UGGT1: variants seen among roughly 807,000 people sequenced by gnomAD.
UGGT1 encodes UDP-glucose:glycoprotein glucosyltransferase 1.
In UGGT1, 107 loss-of-function variants were observed where a neutral mutation model predicts 203.9. That is an observed-to-expected ratio of 0.52 (90% CI 0.45 to 0.62). The LOEUF (loss-of-function observed/expected upper bound fraction) is 0.62. UGGT1 is among the 20% of genes least tolerant of loss of function. UGGT1 has a pLI of 0.00. For synonymous variants in UGGT1, 628 were observed against 653.5 expected, an observed-to-expected ratio of 0.96 and a Z score of 0.59; for missense variants, 1,673 against 1,867.2, an observed-to-expected ratio of 0.90 and a Z score of 1.92.
intron 36 of UGGT1, among the ~76,000 whole-genome samples, chr2:128,181,482 C>T (rs1425783037): frequency 2.0e-5 from 3 of 152,212 alleles, no homozygotes; most frequent in Admixed American, 6.5e-5. Flanking sequence ...GATATTCTTC[C>T]GGCCGTCAGG....
chr2:128,108,895 A>G (rs1330407176), intron 4 of UGGT1, among the ~76,000 whole-genome samples: 1 of 152,098 alleles, frequency 6.6e-6, no homozygotes, highest in Non-Finnish European at 1.5e-5. Flanking sequence ...TTCACACAAT[A>G]AAGTGATTTT....
intron 24 of UGGT1, 76 bp from the exon 25 acceptor site, chr2:128,161,062 C>T: frequency 6.4e-7 from 1 of 1,569,866 alleles, no homozygotes; most frequent in Non-Finnish European, 8.6e-7. Flanking sequence ...CCTGAGGACG[C>T]CAGAGGGTTC....
rs534493930 is a variant in UGGT1 at position 128,192,078 on chromosome 2, C to T, written c.*2336C>T. The T allele has an allele frequency of 6.6e-6, 1 of 152,292 alleles. No individual in the cohort carries two copies. Among genetic ancestry groups the T allele is most frequent in the Admixed American group, 6.5e-5 (1 of 15,282 alleles). 9.4% of individuals were successfully genotyped at this position (152,292 alleles called of 1,614,324 possible). A position where few individuals can be genotyped will look rare whatever the true frequency, so the allele number is the denominator to read the frequency against. On this transcript the variant is annotated 3_prime_UTR_variant, in exon 41 of 41. Coordinates refer to ENST00000259253, the MANE Select transcript of UGGT1 (RefSeq NM_020120.4). The stretch of plus-strand genomic sequence containing the variant: ...CTTTCCCCATGTCTTTCTACCAAGC[C>T]TCTTATGTTTAATCTGTGCAGGGAA...
At chr2:128,124,337 G>C (rs569099690) in intron 11 of UGGT1, among the ~76,000 whole-genome samples, 1 of 152,168 alleles carries the variant, frequency 6.6e-6, no homozygotes, top group Non-Finnish European at 1.5e-5. Flanking sequence ...TTTGAAACAA[G>C]GCATCGCCTC....
chr2:128,108,449 G>T (rs1687702975), intron 4 of UGGT1, among the ~76,000 whole-genome samples: 1 of 152,028 alleles, frequency 6.6e-6, no homozygotes, highest in African/African-American at 2.4e-5. Context: ...GGAAAATCTA[G>T]AATTCAGGAA....
At chr2:128,178,011 TG>T in intron 33 of UGGT1, 91 bp downstream of exon 33, 1 of 1,131,282 alleles carries the variant, frequency 8.8e-7, no homozygotes, top group Non-Finnish European at 1.3e-6. Context: ...TGATTCTGTC[TG>T]GGCCTTTCAC....
chr2:128,140,009 G>T, intron 16 of UGGT1: 1 of 153,766 alleles, frequency 6.5e-6, no homozygotes, highest in South Asian at 1.9e-4. Flanking sequence ...CCTGGCAGCA[G>T]AGAATGCTGT....
At chr2:128,105,417 G>A (rs1038318046) in intron 3 of UGGT1, among the ~76,000 whole-genome samples, 7 of 151,580 alleles carry the variant, frequency 4.6e-5, no homozygotes, top group African/African-American at 1.5e-4. Flanking sequence ...GGGCTCAAGC[G>A]ATCCTCCTGC....
At chr2:128,129,801 G>T (rs1033684360) in intron 13 of UGGT1, among the ~76,000 whole-genome samples, 1 of 152,178 alleles carries the variant, frequency 6.6e-6, no homozygotes. Context: ...TACAGATCTT[G>T]TGTGATGTCG....
chr2:128,180,306 C>A (rs1691626168), intron 35 of UGGT1, among the ~76,000 whole-genome samples: 1 of 152,220 alleles, frequency 6.6e-6, no homozygotes, highest in Non-Finnish European at 1.5e-5. Context: ...TTACTTATAT[C>A]AGTCAGTATT....
intron 7 of UGGT1, 79 bp downstream of exon 7, chr2:128,115,299 T>A: frequency 7.7e-7 from 1 of 1,292,968 alleles, no homozygotes; most frequent in Non-Finnish European, 1.1e-6. Context: ...TGAAAAATAA[T>A]AGATTTAGGT....
chr2:128,160,209 TG>T (rs1026175548), intron 23 of UGGT1, among the ~76,000 whole-genome samples: 2 of 152,186 alleles, frequency 1.3e-5, no homozygotes, highest in African/African-American at 4.8e-5. Context: ...GATTTAAAAA[TG>T]CAGAGTAAAG....
At chr2:128,171,144 C>G in intron 27 of UGGT1, 61 bp from the exon 28 acceptor site, 2 of 1,483,672 alleles carry the variant, frequency 1.3e-6, no homozygotes, top group Non-Finnish European at 1.9e-6. Context: ...AGCTCAGTGT[C>G]AAATAATAAA....
In UGGT1 at chr2:128,171,199, T is replaced by G. The variant is rs1227592957; in HGVS notation, c.3025-6T>G. 1 of 1,606,052 alleles carries G rather than the reference T, an allele frequency of 6.2e-7. No individual in the cohort carries two copies. Among genetic ancestry groups the G allele is most frequent in the African/African-American group, 1.3e-5 (1 of 74,596 alleles). On this transcript the variant is annotated splice_polypyrimidine_tract_variant and splice_region_variant and intron_variant, in intron 27 of 40. Coordinates refer to ENST00000259253, the MANE Select transcript of UGGT1 (RefSeq NM_020120.4). ...TAAATATTTTGTCATCTGGTTTTCC[T>G]TCTAGGTTTTGGCTCAGCTGATAAA...
rs1452020363 is a variant in UGGT1 at position 128,170,466 on chromosome 2, C to T, written c.3024+76C>T. On this transcript the variant is annotated intron_variant, in intron 27 of 40. Transcript: ENST00000259253. ...ATGCTCTGAAATTCACTGAGAGCTT[C>T]GTTTTCCTTGAGTTGCCTTCAACAG... The T allele has an allele frequency of 6.0e-6, 8 of 1,332,418 alleles. 1 individual carries two copies. Among genetic ancestry groups the T allele is most frequent in the Middle Eastern group, 1.8e-4 (1 of 5,492 alleles). 82.5% of individuals were successfully genotyped at this position (1,332,418 alleles called of 1,614,324 possible). A position where few individuals can be genotyped will look rare whatever the true frequency, so the allele number is the denominator to read the frequency against.
At chr2:128,156,282 G>GA (rs1378662406) in intron 20 of UGGT1, 110 bp from the exon 21 acceptor site, 2 of 823,960 alleles carry the variant, frequency 2.4e-6, no homozygotes, top group African/African-American at 3.4e-5. Flanking sequence ...TAAGCAGCAG[G>GA]AAGAACCATA....
Position 128,138,810 on chromosome 2 carries a change from C to T in UGGT1, c.1677C>T (p.Ala559=), listed in dbSNP as rs1224329857. The T allele has an allele frequency of 5.0e-6, 8 of 1,614,024 alleles. No homozygotes were observed. Among genetic ancestry groups the T allele is most frequent in the Non-Finnish European group, 6.8e-6 (8 of 1,180,008 alleles). Residue 559 remains alanine (A), a synonymous_variant, in exon 16 of 41, where the codon GCC becomes GCT. Coordinates refer to ENST00000259253, the MANE Select transcript of UGGT1 (RefSeq NM_020120.4). ...VAVLRAYNYV[A]QEVDDYHAFQ... ...TTCTTAGAGCATATAATTATGTTGCCCAAGAAGTGGATGATTATCATGCCT... is the reference window on the plus strand; with the variant it reads ...TTCTTAGAGCATATAATTATGTTGCTCAAGAAGTGGATGATTATCATGCCT...
At chr2:128,129,586 A>G (rs756569301) in intron 13 of UGGT1, among the ~76,000 whole-genome samples, 2 of 151,812 alleles carry the variant, frequency 1.3e-5, no homozygotes, top group Non-Finnish European at 2.9e-5. Context: ...TTTAGTATAG[A>G]CGGGGTTTCA....
Position 128,109,604 on chromosome 2 carries a change from A to C in UGGT1, c.409-30A>C, listed in dbSNP as rs188990346. 2.5e-3 allele frequency: 3,830 copies of C among 1,550,084 alleles called. 9 individuals are homozygous for C. Among genetic ancestry groups the C allele is most frequent in the Non-Finnish European group, 3.0e-3 (3,345 of 1,122,950 alleles). On this transcript the variant is annotated intron_variant, in intron 4 of 40. Transcript: ENST00000259253. ...TTATCTCGTCTTTGGTTAGAAATTT[A>C]AAAAGTATGTGTTGTGTCTTATGTG...
Sources: allele counts gnomAD v4.1 joint callset (sites outside exome capture counted in the v4.1 genomes callset), GRCh38; gene constraint gnomAD v4.1.1; transcripts MANE v1.5; gene names NCBI Gene and HGNC (gene_info 2026-07-23, HGNC 2026-07-21).